Variants in GABRA3 observed in about 807,000 individuals in gnomAD.
The protein encoded by GABRA3 is gamma-aminobutyric acid type A receptor subunit alpha3.
Under a neutral mutation model 30.1 loss-of-function variants are expected in GABRA3, and 10 were observed. The observed-to-expected ratio is 0.33, with a 90% CI of 0.20 to 0.56. GABRA3 has a LOEUF of 0.56. GABRA3 is among the 20% of genes least tolerant of loss of function. GABRA3 has a pLI of 0.89. For synonymous variants in GABRA3, 151 were observed against 146.8 expected (o/e 1.03, Z -0.21); for missense variants, 233 against 392.0 (o/e 0.59, Z 3.42).
At chrX:152,189,245 G>A (rs1347314729) in intron 9 of GABRA3, among the ~76,000 whole-genome samples, 2 of 112,379 alleles carry the variant, frequency 1.8e-5, no homozygotes, top group Non-Finnish European at 3.8e-5. Flanking sequence ...TAGCATTTCA[G>A]TTGGGACTTG....
At chrX:152,212,097 A>G (rs893098744) in intron 6 of GABRA3, among the ~76,000 whole-genome samples, 10 of 105,074 alleles carry the variant, frequency 9.5e-5, no homozygotes, top group Non-Finnish European at 1.7e-4. Context: ...AACCTGGGCA[A>G]CATAGAAGGA....
chrX:152,397,471 T>C (rs2124519915), intron 1 of GABRA3, among the ~76,000 whole-genome samples: 1 of 111,635 alleles, frequency 9.0e-6, no homozygotes, highest in South Asian at 3.8e-4. Context: ...CAGGTTATGC[T>C]TCAGGTAGGA....
chrX:152,280,532 G>GT (rs1939181222), intron 4 of GABRA3, among the ~76,000 whole-genome samples: 1 of 111,380 alleles, frequency 9.0e-6, no homozygotes, highest in African/African-American at 3.3e-5. Flanking sequence ...TCTCCATGGT[G>GT]TTTGGATACT....
At chrX:152,306,753 T>A (rs190755543) in intron 3 of GABRA3, among the ~76,000 whole-genome samples, 1 of 112,234 alleles carries the variant, frequency 8.9e-6, no homozygotes, top group African/African-American at 3.2e-5. Flanking sequence ...AATCTGCCAT[T>A]TCTGAATTTC....
chrX:152,431,276 A>T, intron 1 of GABRA3, among the ~76,000 whole-genome samples: 1 of 111,838 alleles, frequency 8.9e-6, no homozygotes, highest in Non-Finnish European at 1.9e-5. Flanking sequence ...GCAGAGAGAG[A>T]AGCCAGTCCA....
At chrX:152,232,295 A>G (rs1235958390) in intron 5 of GABRA3, among the ~76,000 whole-genome samples, 3 of 110,576 alleles carry the variant, frequency 2.7e-5, no homozygotes, top group Non-Finnish European at 5.7e-5. Context: ...AGGGGGTACA[A>G]GTGCCATTTT....
At chrX:152,232,864 T>G (rs1410574400) in intron 5 of GABRA3, among the ~76,000 whole-genome samples, 1 of 110,720 alleles carries the variant, frequency 9.0e-6, no homozygotes, top group Non-Finnish European at 1.9e-5. Context: ...ATGGAGCTAC[T>G]ATTTTTAGGT....
chrX:152,441,154 C>T (rs1337452210), intron 1 of GABRA3, among the ~76,000 whole-genome samples: 6 of 111,057 alleles, frequency 5.4e-5, no homozygotes, highest in Non-Finnish European at 7.6e-5. Context: ...GTGGTGGCAC[C>T]GGTGGTAGTG....
At chrX:152,276,955 G>T (rs1939097309) in intron 4 of GABRA3, among the ~76,000 whole-genome samples, 2 of 111,636 alleles carry the variant, frequency 1.8e-5, no homozygotes, top group African/African-American at 6.5e-5. Flanking sequence ...TCAGGGTAAG[G>T]TACACAGGTA....
intron 5 of GABRA3, chrX:152,251,155 G>C (rs1233667443): frequency 3.0e-6 from 1 of 327,903 alleles, no homozygotes; most frequent in South Asian, 2.8e-5. Flanking sequence ...ATGCTTCTGT[G>C]CTTCTGTACT....
At chrX:152,278,103 G>C (rs72614785) in intron 4 of GABRA3, among the ~76,000 whole-genome samples, 1 of 111,748 alleles carries the variant, frequency 8.9e-6, no homozygotes, top group East Asian at 2.8e-4. Flanking sequence ...GATGTATTTA[G>C]TCCATGAAAT....
intron 1 of GABRA3, among the ~76,000 whole-genome samples, chrX:152,415,835 T>G (rs891706662): frequency 7.2e-5 from 8 of 111,215 alleles, no homozygotes; most frequent in Non-Finnish European, 1.3e-4. Context: ...AACTAGGGCT[T>G]TCTCTATTTC....
At chrX:152,181,202 A>G (rs1455631364) in intron 9 of GABRA3, among the ~76,000 whole-genome samples, 3 of 111,536 alleles carry the variant, frequency 2.7e-5, no homozygotes, top group South Asian at 3.7e-4. Context: ...TGTGTCTTCA[A>G]TTTCTTTATT....
chrX:152,338,322 G>C (rs1345583183), intron 3 of GABRA3, among the ~76,000 whole-genome samples: 1 of 112,006 alleles, frequency 8.9e-6, no homozygotes, highest in African/African-American at 3.2e-5. Context: ...TTGGCCATTT[G>C]TATGTCTTCT....
intron 1 of GABRA3, among the ~76,000 whole-genome samples, chrX:152,424,219 C>G (rs998556780): frequency 6.3e-5 from 7 of 110,726 alleles, no homozygotes; most frequent in Non-Finnish European, 1.3e-4. Context: ...AATCAGAAAC[C>G]GACAAGTCAT....
chrX:152,430,982 C>T (rs1046885132), intron 1 of GABRA3, among the ~76,000 whole-genome samples: 1 of 111,286 alleles, frequency 9.0e-6, no homozygotes, highest in African/African-American at 3.3e-5. Flanking sequence ...AAAAAAAAAT[C>T]CCATAGGCTT....
At chrX:152,374,797 T>C (rs753910875) in intron 1 of GABRA3, among the ~76,000 whole-genome samples, 1 of 112,025 alleles carries the variant, frequency 8.9e-6, no homozygotes, top group South Asian at 3.7e-4. Flanking sequence ...CTTTTATCCA[T>C]CTTGAGTTAA....
intron 1 of GABRA3, among the ~76,000 whole-genome samples, chrX:152,423,855 T>C (rs1930442946): frequency 9.0e-6 from 1 of 111,271 alleles, no homozygotes; most frequent in Non-Finnish European, 1.9e-5. Flanking sequence ...AATATACAAA[T>C]GGATAACAAA....
At chrX:152,361,943 A>G (rs1928520991) in intron 2 of GABRA3, among the ~76,000 whole-genome samples, 1 of 112,394 alleles carries the variant, frequency 8.9e-6, no homozygotes, top group Admixed American at 9.5e-5. Flanking sequence ...CGGTAAGGTT[A>G]ATTTATTTAG....
Sources: allele counts gnomAD v4.1 joint callset (sites outside exome capture counted in the v4.1 genomes callset), GRCh38; gene constraint gnomAD v4.1.1; transcripts MANE v1.5; gene names NCBI Gene and HGNC (gene_info 2026-07-23, HGNC 2026-07-21).